UNC13C: variants seen among roughly 807,000 people sequenced by gnomAD.
The protein encoded by UNC13C is unc-13 homolog C, also known as protein unc-13 homolog C.
In UNC13C, 174 loss-of-function variants were observed where a neutral mutation model predicts 245.4. That is an observed-to-expected ratio of 0.71 (90% confidence interval 0.63 to 0.80). The LOEUF (loss-of-function observed/expected upper bound fraction) is 0.80, where lower values mean the gene tolerates loss of function less well. Among genes scored for constraint, UNC13C ranks in the 30% least tolerant of loss-of-function variants. UNC13C has a pLI of 0.00. For missense variants in UNC13C, 2,829 were observed against 2,602.9 expected (o/e 1.09, Z -1.89); for synonymous variants, 992 against 895.1 (o/e 1.11, Z -1.93).
At chr15:54,239,347 A>G (rs1387518888) in intron 7 of UNC13C, among the ~76,000 whole-genome samples, 1 of 152,212 alleles carries the variant, frequency 6.6e-6, no homozygotes. Flanking sequence ...TCGTTTGACT[A>G]TGTGGAGGCT....
At chr15:53,982,160 C>G (rs1029615994) in intron 1 of UNC13C, among the ~76,000 whole-genome samples, 1 of 152,116 alleles carries the variant, frequency 6.6e-6, no homozygotes, top group Non-Finnish European at 1.5e-5. Flanking sequence ...TTTTCACAAT[C>G]CCATCTTCAG....
chr15:54,600,886 G>A (rs979554047), intron 30 of UNC13C, among the ~76,000 whole-genome samples: 2 of 152,064 alleles, frequency 1.3e-5, no homozygotes, highest in Non-Finnish European at 2.9e-5. Context: ...ATAGTCTAAT[G>A]CATGGGTGTC....
At chr15:54,363,724 G>A (rs2039290797) in intron 17 of UNC13C, among the ~76,000 whole-genome samples, 1 of 152,064 alleles carries the variant, frequency 6.6e-6, no homozygotes, top group African/African-American at 2.4e-5. Flanking sequence ...AGACTATTTG[G>A]GTAAGCTGTC....
At chr15:54,040,708 C>A (rs1195094467) in intron 2 of UNC13C, among the ~76,000 whole-genome samples, 5 of 152,164 alleles carry the variant, frequency 3.3e-5, no homozygotes, top group African/African-American at 1.2e-4. Flanking sequence ...AAGTGAGTCA[C>A]AGGTGTTTGC....
chr15:54,280,066 T>C (rs2036935730), intron 10 of UNC13C, among the ~76,000 whole-genome samples: 1 of 152,160 alleles, frequency 6.6e-6, no homozygotes, highest in Non-Finnish European at 1.5e-5. Flanking sequence ...GCATATAATA[T>C]GCACACCTTT....
At chr15:53,925,612 A>G in the UNC13C span, among the ~76,000 whole-genome samples, 7 of 152,156 alleles carry the variant, frequency 4.6e-5, no homozygotes, top group African/African-American at 1.7e-4. Flanking sequence ...AAGACAGACT[A>G]TCTCTTTTGT....
chr15:53,943,564 G>A, the UNC13C span, among the ~76,000 whole-genome samples: 6 of 152,114 alleles, frequency 3.9e-5, no homozygotes, highest in Non-Finnish European at 7.4e-5. Context: ...ATAAGCAGAT[G>A]TCTCTATTTT....
At chr15:54,263,956 G>A (rs2036489335) in intron 8 of UNC13C, among the ~76,000 whole-genome samples, 1 of 151,996 alleles carries the variant, frequency 6.6e-6, no homozygotes, top group African/African-American at 2.4e-5. Context: ...GGAATCATAG[G>A]AGGTCAATTT....
At chr15:54,519,379 A>C (rs1895119023) in intron 24 of UNC13C, among the ~76,000 whole-genome samples, 2 of 152,130 alleles carry the variant, frequency 1.3e-5, no homozygotes, top group African/African-American at 4.8e-5. Flanking sequence ...TGAGTGAATT[A>C]TAAAAGGTAA....
chr15:53,907,468 C>T, the UNC13C span, among the ~76,000 whole-genome samples: 4 of 152,228 alleles, frequency 2.6e-5, no homozygotes, highest in East Asian at 1.9e-4. Flanking sequence ...TATGATATAG[C>T]GGAGAAAGCC....
intron 17 of UNC13C, among the ~76,000 whole-genome samples, chr15:54,342,436 G>A (rs1458064286): frequency 1.3e-5 from 2 of 151,802 alleles, no homozygotes; most frequent in Non-Finnish European, 2.9e-5. Flanking sequence ...ATGGTGGTAT[G>A]TGTCTATAGT....
At chr15:54,503,953 T>C (rs1042360402) in intron 22 of UNC13C, among the ~76,000 whole-genome samples, 10 of 152,134 alleles carry the variant, frequency 6.6e-5, no homozygotes, top group African/African-American at 1.9e-4. Context: ...AATTTTTGCA[T>C]TTTAAAATGG....
At chr15:54,393,688 T>C (rs2040011187) in intron 18 of UNC13C, among the ~76,000 whole-genome samples, 1 of 151,878 alleles carries the variant, frequency 6.6e-6, no homozygotes, top group South Asian at 2.1e-4. Context: ...CTCTAAGACA[T>C]GGCAGATGAA....
chr15:54,551,068 C>T (rs1274922859), intron 28 of UNC13C, among the ~76,000 whole-genome samples: 1 of 152,090 alleles, frequency 6.6e-6, no homozygotes, highest in Non-Finnish European at 1.5e-5. Context: ...GAATTTACTG[C>T]TACATGAAAT....
the UNC13C span, among the ~76,000 whole-genome samples, chr15:53,853,053 G>C: frequency 6.6e-6 from 1 of 151,622 alleles, no homozygotes; most frequent in Non-Finnish European, 1.5e-5. Flanking sequence ...TACATGTGTA[G>C]GATGTGCAGG....
rs778790440 is a variant in UNC13C, at chr15:54,393,046, A to C, written c.4714-2A>C. 1 of 1,591,384 alleles carries C rather than the reference A, an allele frequency of 6.3e-7. No individual in the cohort carries two copies. Among genetic ancestry groups the C allele is most frequent in the Non-Finnish European group, 8.5e-7 (1 of 1,172,186 alleles). On this transcript the variant is annotated splice_acceptor_variant, in intron 17 of 32. Transcript: ENST00000260323. LOFTEE classifies it high-confidence loss of function. ...TTGCATGTTGCGTGAACTTGTGAGCAGAGTAAGAAACAGGATATTCCTCGT... is the reference window on the plus strand; with the variant it reads ...TTGCATGTTGCGTGAACTTGTGAGCCGAGTAAGAAACAGGATATTCCTCGT...
intron 10 of UNC13C, among the ~76,000 whole-genome samples, chr15:54,292,815 A>G (rs968586921): frequency 4.6e-5 from 7 of 150,708 alleles, no homozygotes; most frequent in African/African-American, 9.7e-5. Flanking sequence ...TTTGTTGCCT[A>G]TATTCATAAT....
chr15:54,471,973 A>T (rs1188463557), intron 19 of UNC13C, among the ~76,000 whole-genome samples: 9 of 151,856 alleles, frequency 5.9e-5, no homozygotes, highest in Middle Eastern at 3.4e-3. Flanking sequence ...AGTTGTTGAT[A>T]GATAAGAACT....
chr15:54,203,968 A>C (rs918694263), intron 4 of UNC13C, among the ~76,000 whole-genome samples: 1 of 151,752 alleles, frequency 6.6e-6, no homozygotes, highest in Non-Finnish European at 1.5e-5. Context: ...CTCAGTCATA[A>C]AAAGGAACAA....
Sources: allele counts gnomAD v4.1 joint callset (sites outside exome capture counted in the v4.1 genomes callset), GRCh38; gene constraint gnomAD v4.1.1; transcripts MANE v1.5; gene names NCBI Gene and HGNC (gene_info 2026-07-23, HGNC 2026-07-21).